The following EPHB1 variants were observed in gnomAD, a reference collection of about 807,000 sequenced individuals.
EPHB1 encodes ephrin type-B receptor 1.
EPHB1 carries 30 observed loss-of-function variants against 94.4 expected under a neutral mutation model. That is an observed-to-expected ratio of 0.32 (90% CI 0.24 to 0.43). The LOEUF (loss-of-function observed/expected upper bound fraction) is 0.43, where lower values mean the gene tolerates loss of function less well. Ranked by LOEUF, EPHB1 falls within the 20% of genes least tolerant of loss-of-function variation. The pLI, the probability that EPHB1 is intolerant of heterozygous loss-of-function variation, is 1.00. For missense variants in EPHB1, 1,055 were observed against 1,308.3 expected, an observed-to-expected ratio of 0.81 and a Z score of 2.99; for synonymous variants, 522 against 489.1, an observed-to-expected ratio of 1.07 and a Z score of -0.89.
intron 3 of EPHB1, among the ~76,000 whole-genome samples, 192 bp from the exon 4 acceptor site, chr3:135,106,256 T>C (rs1939214563): frequency 6.6e-6 from 1 of 152,238 alleles, no homozygotes; most frequent in Non-Finnish European, 1.5e-5. Context: ...ACCAAGAAGA[T>C]ATATTTCACA....
intron 1 of EPHB1, among the ~76,000 whole-genome samples, chr3:134,862,207 C>A (rs1262694100): frequency 6.6e-6 from 1 of 152,110 alleles, no homozygotes; most frequent in Admixed American, 6.6e-5. Context: ...GGGAGAAGCA[C>A]CTGGCTTGCT....
At chr3:135,029,039 G>A (rs1219880992) in intron 3 of EPHB1, among the ~76,000 whole-genome samples, 4 of 136,644 alleles carry the variant, frequency 2.9e-5, no homozygotes, top group Non-Finnish European at 6.3e-5. Flanking sequence ...CAGAGACTAG[G>A]ATTGCAACCC....
chr3:135,103,519 G>A (rs149354594), intron 3 of EPHB1, among the ~76,000 whole-genome samples: 368 of 152,294 alleles, frequency 2.4e-3, no homozygotes, highest in African/African-American at 8.1e-3. Flanking sequence ...ACACATTGAT[G>A]CTAGCGACAT....
chr3:135,171,212 A>G (rs1941792839), intron 9 of EPHB1, among the ~76,000 whole-genome samples: 1 of 152,208 alleles, frequency 6.6e-6, no homozygotes, highest in African/African-American at 2.4e-5. Context: ...CCAGGGTTAT[A>G]CCTTTAGTAA....
chr3:135,131,430 G>A (rs1039397723), intron 4 of EPHB1, among the ~76,000 whole-genome samples: 1 of 152,020 alleles, frequency 6.6e-6, no homozygotes, highest in South Asian at 2.1e-4. Context: ...ACATGTCTTC[G>A]TTCAGCTGGT....
intron 3 of EPHB1, among the ~76,000 whole-genome samples, chr3:135,049,457 C>T (rs1392842016): frequency 6.6e-6 from 1 of 152,162 alleles, no homozygotes; most frequent in East Asian, 1.9e-4. Flanking sequence ...GAGAACTCAG[C>T]TGGGGCTATC....
intron 3 of EPHB1, among the ~76,000 whole-genome samples, chr3:135,017,633 T>C (rs970955653): frequency 2.6e-5 from 4 of 152,152 alleles, no homozygotes; most frequent in African/African-American, 9.7e-5. Context: ...GTGGAGCTAC[T>C]GTTCACTCCT....
chr3:135,184,824 C>G (rs1501208), intron 10 of EPHB1, among the ~76,000 whole-genome samples: 2 of 152,154 alleles, frequency 1.3e-5, no homozygotes, highest in Admixed American at 6.5e-5. Flanking sequence ...TCAGAGAGTA[C>G]CAGTTTATTG....
chr3:134,843,634 A>AT (rs564296176), intron 1 of EPHB1, among the ~76,000 whole-genome samples: 112 of 151,214 alleles, frequency 7.4e-4, no homozygotes, highest in Non-Finnish European at 1.4e-3. Context: ...AAATTCATTG[A>AT]TTTTTTTTCT....
chr3:135,240,971 G>T (rs1381589558), intron 12 of EPHB1, among the ~76,000 whole-genome samples, 177 bp from the exon 13 acceptor site: 1 of 152,144 alleles, frequency 6.6e-6, no homozygotes, highest in Non-Finnish European at 1.5e-5. Flanking sequence ...GTCACCTTGA[G>T]CTTCTCTAAC....
At chr3:134,882,749 C>CTTTCTTTCTTTCTTTCTTT (rs1491426824) in intron 1 of EPHB1, among the ~76,000 whole-genome samples, 1 of 38,052 alleles carries the variant, frequency 2.6e-5, no homozygotes, top group African/African-American at 5.7e-5. Context: ...CTTCTTTCTT[C>CTTTCTTTCTTTCTTTCTTT]CTTTCTTCCT....
chr3:135,068,270 G>A (rs1937609897), intron 3 of EPHB1, among the ~76,000 whole-genome samples: 1 of 152,106 alleles, frequency 6.6e-6, no homozygotes, highest in African/African-American at 2.4e-5. Flanking sequence ...TTTCAAAGTG[G>A]CTATACCATT....
intron 3 of EPHB1, among the ~76,000 whole-genome samples, chr3:134,980,917 G>C (rs1364368557): frequency 6.6e-6 from 1 of 152,154 alleles, no homozygotes; most frequent in African/African-American, 2.4e-5. Context: ...AGGAACCTTT[G>C]TGAGTGAGGA....
At chr3:134,823,149 T>C (rs2036413673) in intron 1 of EPHB1, among the ~76,000 whole-genome samples, 2 of 152,218 alleles carry the variant, frequency 1.3e-5, no homozygotes, top group African/African-American at 4.8e-5. Flanking sequence ...CTCAGATAAT[T>C]GCTTTTGCTT....
intron 13 of EPHB1, among the ~76,000 whole-genome samples, chr3:135,244,033 TG>T (rs1310068641): frequency 6.6e-6 from 1 of 152,056 alleles, no homozygotes; most frequent in Admixed American, 6.5e-5. Context: ...AATACATGTC[TG>T]GGGGCAGCCG....
chr3:134,854,784 T>A (rs535848208), intron 1 of EPHB1, among the ~76,000 whole-genome samples: 7 of 150,810 alleles, frequency 4.6e-5, no homozygotes, highest in African/African-American at 1.4e-4. Flanking sequence ...CTTCAATTTA[T>A]GTCTTTACGC....
chr3:135,129,973 C>T (rs1940361566), intron 4 of EPHB1, among the ~76,000 whole-genome samples: 1 of 152,086 alleles, frequency 6.6e-6, no homozygotes, highest in Non-Finnish European at 1.5e-5. Flanking sequence ...AAAGCAAGAT[C>T]CCACGGGGGC....
Position 135,105,100 on chromosome 3 carries a change from G to A in EPHB1, c.806-1348G>A, listed in dbSNP as rs1453919218. 2.6e-5 allele frequency among the ~76,000 whole-genome samples: 4 copies of A among 152,168 alleles called. No homozygotes were observed. In the East Asian group the frequency reaches 7.7e-4, roughly 29 times the overall value. ...GCATGGAAAGCACTTAACAAGACAA[G>A]TTAACAGATGGTGGCTACTGCTATT... On this transcript the variant is annotated intron_variant, in intron 3 of 15. Transcript: ENST00000398015.
intron 3 of EPHB1, among the ~76,000 whole-genome samples, chr3:135,092,328 T>C (rs1456303306): frequency 6.6e-6 from 1 of 152,110 alleles, no homozygotes; most frequent in Non-Finnish European, 1.5e-5. Context: ...TTCTGTTGGG[T>C]GCCAGGGGCC....
Sources: allele counts gnomAD v4.1 joint callset (sites outside exome capture counted in the v4.1 genomes callset), GRCh38; gene constraint gnomAD v4.1.1; transcripts MANE v1.5; gene names NCBI Gene and HGNC (gene_info 2026-07-23, HGNC 2026-07-21).